OSBP2: variants seen among roughly 807,000 people sequenced by gnomAD.
OSBP2 encodes the protein oxysterol-binding protein 2.
Under a neutral mutation model 96.0 loss-of-function variants are expected in OSBP2, and 66 were observed. The ratio of observed to expected loss-of-function variants is 0.69; its 90% CI spans 0.56 to 0.84. The LOEUF (loss-of-function observed/expected upper bound fraction) is 0.84, where lower values mean the gene tolerates loss of function less well. Ranked by LOEUF, OSBP2 falls within the 40% of genes least tolerant of loss-of-function variation. The pLI is 0.00. For synonymous variants in OSBP2, 525 were observed against 520.9 expected, an observed-to-expected ratio of 1.01 and a Z score of -0.11; for missense variants, 1,038 against 1,222.7, an observed-to-expected ratio of 0.85 and a Z score of 2.25.
chr22:30,791,379 T>G (rs1410855009), intron 2 of OSBP2, among the ~76,000 whole-genome samples: 1 of 138,542 alleles, frequency 7.2e-6, no homozygotes, highest in East Asian at 2.1e-4. Flanking sequence ...CAGGCTGGAG[T>G]GCAGTTGTGT....
intron 2 of OSBP2, among the ~76,000 whole-genome samples, chr22:30,749,986 C>A (rs2090053787): frequency 6.6e-6 from 1 of 152,126 alleles, no homozygotes; most frequent in African/African-American, 2.4e-5. Context: ...AAGAACAGAG[C>A]ACACTAGGAG....
intron 2 of OSBP2, among the ~76,000 whole-genome samples, chr22:30,791,602 C>T (rs2090677078): frequency 6.6e-6 from 1 of 152,172 alleles, no homozygotes; most frequent in Non-Finnish European, 1.5e-5. Context: ...GCTGGGATTA[C>T]AGGCGAGAGC....
At chr22:30,729,387 CA>C (rs1210110433) in intron 1 of OSBP2, among the ~76,000 whole-genome samples, 1 of 152,150 alleles carries the variant, frequency 6.6e-6, no homozygotes, top group Non-Finnish European at 1.5e-5. Flanking sequence ...CCTGTAAACC[CA>C]GCACTTTGGG....
intron 2 of OSBP2, among the ~76,000 whole-genome samples, chr22:30,866,213 C>A (rs914111733): frequency 6.6e-6 from 1 of 152,208 alleles, no homozygotes; most frequent in African/African-American, 2.4e-5. Flanking sequence ...GATGCGGATT[C>A]TCCTGGATTA....
intron 2 of OSBP2, chr22:30,822,488 A>G: frequency 1.8e-6 from 2 of 1,139,556 alleles, no homozygotes; most frequent in Non-Finnish European, 1.1e-6. Context: ...GCAGTGGTGC[A>G]TTGTGGTAAC....
Position 30,880,590 on chromosome 22 carries a change from C to T in OSBP2, c.1108-6836C>T, listed in dbSNP as rs941861662. 7.2e-5 allele frequency among the ~76,000 whole-genome samples: 11 copies of T among 152,208 alleles called. 1 individual carries two copies. The highest frequency in any genetic ancestry group is 4.1e-4 in the South Asian group (2 of 4,828). On this transcript the variant is annotated intron_variant, in intron 3 of 13. Transcript: ENST00000332585. ...GTCTAGAAGGGAAGTTTCCAGGAAG[C>T]CACTGAAGGCCAGACAGGGTCCTGG...
Position 30,787,426 on chromosome 22 carries a change from A to G in OSBP2, c.853+46057A>G, listed in dbSNP as rs1286715463. Reference sequence around the variant, plus strand: ...GGTGGCTCACGACTGTAATCTCAGCACTTTGGGAGGCCGAGGCAGGTGGAT... The same window carrying G: ...GGTGGCTCACGACTGTAATCTCAGCGCTTTGGGAGGCCGAGGCAGGTGGAT... On this transcript the variant is annotated intron_variant, in intron 2 of 13. Transcript: ENST00000332585. Among the ~76,000 whole-genome samples the G allele has an allele frequency of 1.3e-4, 20 of 152,072 alleles. No individual in the cohort carries two copies. The East Asian group carries it at 3.9e-3, about 30-fold the overall frequency.
At chr22:30,787,820 C>G (rs1431130584) in intron 2 of OSBP2, among the ~76,000 whole-genome samples, 1 of 152,216 alleles carries the variant, frequency 6.6e-6, no homozygotes, top group Non-Finnish European at 1.5e-5. Flanking sequence ...CATATCACCA[C>G]TGGCTCTCGA....
At chr22:30,901,872 A>G (rs1388414452) in intron 12 of OSBP2, among the ~76,000 whole-genome samples, 1 of 152,152 alleles carries the variant, frequency 6.6e-6, no homozygotes, top group African/African-American at 2.4e-5. Context: ...CCCCACAAAA[A>G]AAGATGAACA....
intron 2 of OSBP2, among the ~76,000 whole-genome samples, chr22:30,865,122 G>C (rs568646902): frequency 1.3e-5 from 2 of 152,150 alleles, no homozygotes; most frequent in Admixed American, 6.5e-5. Flanking sequence ...GCTCCCCTGC[G>C]CTAGATGATT....
At chr22:30,822,497 A>G (rs950937199) in intron 2 of OSBP2, 52 of 1,134,754 alleles carry the variant, frequency 4.6e-5, no homozygotes, top group Non-Finnish European at 5.4e-5. Flanking sequence ...CATTGTGGTA[A>G]CGCGGCGCCG....
Position 30,870,846 on chromosome 22 carries a change from A to G in OSBP2, c.1107+164A>G, listed in dbSNP as rs2039443735. Among the ~76,000 whole-genome samples the G allele has an allele frequency of 6.6e-6, 1 of 152,110 alleles. No homozygotes were observed. Among genetic ancestry groups the G allele is most frequent in the African/African-American group, 2.4e-5 (1 of 41,400 alleles). On this transcript the variant is annotated intron_variant, in intron 3 of 13. Transcript: ENST00000332585. This position sits in a 1 kb window ranked among gnomAD's most constrained non-coding sequence, Gnocchi z 4.1. ...CCCCAGCTAGCTTCCGAGTTCTTAA[A>G]TCATCTCCTTCACTCGGCCGTCGTT...
At chr22:30,708,615 A>C (rs907624752) in intron 1 of OSBP2, among the ~76,000 whole-genome samples, 3 of 146,012 alleles carry the variant, frequency 2.1e-5, no homozygotes, top group Non-Finnish European at 4.5e-5. Flanking sequence ...CAGCCTCCCG[A>C]GTAGCTGGGA....
intron 2 of OSBP2, among the ~76,000 whole-genome samples, chr22:30,779,779 G>A (rs942496431): frequency 6.6e-6 from 1 of 152,174 alleles, no homozygotes; most frequent in African/African-American, 2.4e-5. Flanking sequence ...GGGGACAAAG[G>A]AGGGGTCCAG....
intron 2 of OSBP2, among the ~76,000 whole-genome samples, chr22:30,799,057 TTTCC>T (rs1159820708): frequency 0.15 from 17,771 of 120,200 alleles, 1,313 homozygotes; most frequent in Admixed American, 0.16. Context: ...CATGCAAAGG[TTTCC>T]TTCCTTCCTT....
chr22:30,870,775 G>C lies in OSBP2; in HGVS notation c.1107+93G>C. On this transcript the variant is annotated intron_variant, in intron 3 of 13. Coordinates refer to ENST00000332585, the MANE Select transcript of OSBP2 (RefSeq NM_030758.4). This position sits in a 1 kb window ranked among gnomAD's most constrained non-coding sequence, Gnocchi z 4.1. ...TGACCAGGGTCAGCTTGAAGGGTCAGCGTTCCATTTCCTGCGGTTCCACGG... is the reference window on the plus strand; with the variant it reads ...TGACCAGGGTCAGCTTGAAGGGTCACCGTTCCATTTCCTGCGGTTCCACGG... 1 of 1,352,192 alleles carries C rather than the reference G, an allele frequency of 7.4e-7. No homozygotes were observed. Among genetic ancestry groups the C allele is most frequent in the Non-Finnish European group, 1.0e-6 (1 of 981,174 alleles). The allele number at this position is 1,352,192 out of a possible 1,614,324, so 83.8% of individuals were successfully genotyped here.
At chr22:30,864,929 C>T (rs886886865) in intron 2 of OSBP2, among the ~76,000 whole-genome samples, 2 of 152,110 alleles carry the variant, frequency 1.3e-5, no homozygotes, top group Admixed American at 6.5e-5. Context: ...GTGGGGTGGC[C>T]GCAGGGCCTC....
At chr22:30,902,152 A>AAC (rs1569176322) in intron 12 of OSBP2, 2 of 453,430 alleles carry the variant, frequency 4.4e-6, no homozygotes, top group Non-Finnish European at 7.5e-6. Flanking sequence ...AAAAAAAAAA[A>AAC]CAGAGGGTCC....
At chr22:30,823,923 A>T (rs2038339895) in intron 2 of OSBP2, among the ~76,000 whole-genome samples, 3 of 152,210 alleles carry the variant, frequency 2.0e-5, no homozygotes, top group Non-Finnish European at 4.4e-5. Context: ...TGTTTCTGTC[A>T]TCGGTTTGGA....
Sources: gnomAD v4.1 joint callset for allele counts (sites outside exome capture counted in the v4.1 genomes callset) on GRCh38, gnomAD v4.1.1 for gene constraint, Gnocchi (gnomAD v3.1) non-coding constraint, MANE v1.5 for transcripts, NCBI Gene and HGNC (gene_info 2026-07-23, HGNC 2026-07-21) for gene names.